Variants in GUCY1A2 observed in about 807,000 individuals in gnomAD.
GUCY1A2 encodes guanylate cyclase 1 soluble subunit alpha 2.
Under a neutral mutation model 63.5 loss-of-function variants are expected in GUCY1A2, and 27 were observed. That is an observed-to-expected ratio of 0.43 (90% CI 0.31 to 0.59). GUCY1A2 has a LOEUF of 0.59. GUCY1A2 is among the 20% of genes least tolerant of loss of function. GUCY1A2 has a pLI of 0.11. For missense variants in GUCY1A2, 768 were observed against 913.3 expected (o/e 0.84, Z 2.05); for synonymous variants, 364 against 343.5 (o/e 1.06, Z -0.66).
chr11:106,942,927 T>A (rs1012870484), intron 3 of GUCY1A2, among the ~76,000 whole-genome samples: 4 of 152,164 alleles, frequency 2.6e-5, no homozygotes, highest in African/African-American at 9.7e-5. Flanking sequence ...GATGCTAAAG[T>A]GACGGTTGTA....
intron 4 of GUCY1A2, among the ~76,000 whole-genome samples, chr11:106,833,673 T>G (rs1356956933): frequency 6.6e-6 from 1 of 152,088 alleles, no homozygotes; most frequent in Non-Finnish European, 1.5e-5. Flanking sequence ...ATGTAGGCAC[T>G]CTATAGATAT....
chr11:106,992,423 G>A lies in GUCY1A2; in HGVS notation c.304-6292C>T, dbSNP rs541798542. Among the ~76,000 whole-genome samples, 47 of 148,088 alleles carry A rather than the reference G, an allele frequency of 3.2e-4. No individual in the cohort carries two copies. In the South Asian group the frequency reaches 4.1e-3, roughly 13 times the overall value. ...CAGCTCACTGCAACCTCCACCTCCC[G>A]GGTTCAAGCGATTCTCCTGCCTCAG... On this transcript the variant is annotated intron_variant, in intron 1 of 7. Transcript: ENST00000526355.
chr11:106,693,479 C>T (rs565982405), intron 7 of GUCY1A2, among the ~76,000 whole-genome samples: 1 of 152,030 alleles, frequency 6.6e-6, no homozygotes, highest in East Asian at 1.9e-4. Flanking sequence ...TTATTTGGTA[C>T]AATGACAATT....
intron 4 of GUCY1A2, among the ~76,000 whole-genome samples, chr11:106,842,372 T>TA (rs1387949269): frequency 3.3e-5 from 5 of 151,972 alleles, no homozygotes; most frequent in African/African-American, 1.2e-4. Flanking sequence ...CCCTGACTGA[T>TA]ATGCTAATAT....
At position 106,682,863 on chromosome 11, in the gene GUCY1A2, G is replaced by A. The variant is rs1382334114; in HGVS notation, c.*4686C>T. 3 of 215,398 alleles carry A rather than the reference G, an allele frequency of 1.4e-5. No homozygotes were observed. The highest frequency in any genetic ancestry group is 2.3e-5 in the African/African-American group (1 of 44,362). 13.3% of individuals were successfully genotyped at this position (215,398 alleles called of 1,614,324 possible). On this transcript the variant is annotated 3_prime_UTR_variant, in exon 8 of 8. Transcript: ENST00000526355. ...ACAAGGGATGGAAGAACAGTCATAC[G>A]CAGGTTTCAATTGTTTGGATCAAGT...
intron 5 of GUCY1A2, among the ~76,000 whole-genome samples, chr11:106,781,435 C>T (rs1230844049): frequency 1.3e-5 from 2 of 152,108 alleles, no homozygotes; most frequent in East Asian, 3.9e-4. Flanking sequence ...ACTATAGCTG[C>T]TTTTATAAAA....
chr11:106,975,301 T>C (rs1467808642), intron 3 of GUCY1A2, among the ~76,000 whole-genome samples: 7 of 152,158 alleles, frequency 4.6e-5, no homozygotes, highest in Non-Finnish European at 8.8e-5. Flanking sequence ...CATCATACCA[T>C]TCAACCATTA....
At chr11:107,013,750 A>G (rs746568811) in intron 1 of GUCY1A2, among the ~76,000 whole-genome samples, 4 of 152,172 alleles carry the variant, frequency 2.6e-5, no homozygotes, top group Non-Finnish European at 4.4e-5. Context: ...GCTGCACCCC[A>G]GAGATTCACA....
chr11:106,795,706 T>G (rs1565292456), intron 5 of GUCY1A2, among the ~76,000 whole-genome samples: 2 of 152,158 alleles, frequency 1.3e-5, no homozygotes, highest in Non-Finnish European at 2.9e-5. Flanking sequence ...TAACCCAAAT[T>G]TAAGATGACA....
intron 4 of GUCY1A2, chr11:106,828,028 T>C (rs1407302961): frequency 3.1e-6 from 2 of 640,638 alleles, no homozygotes; most frequent in African/African-American, 3.7e-5. Flanking sequence ...TCGGGCCCTT[T>C]GCCCACTTTT....
intron 5 of GUCY1A2, among the ~76,000 whole-genome samples, chr11:106,790,149 A>C (rs1393723754): frequency 2.0e-5 from 3 of 152,176 alleles, no homozygotes; most frequent in Non-Finnish European, 4.4e-5. Context: ...TGGAATAAAA[A>C]AACTTGGAAG....
rs370177842 is a variant in GUCY1A2 at position 106,681,387 on chromosome 11, T to C, written c.*6162A>G. 1 of 226,402 alleles carries C rather than the reference T, an allele frequency of 4.4e-6. No homozygotes were observed. The highest frequency in any genetic ancestry group is 8.8e-6 in the Non-Finnish European group (1 of 113,630). 14.0% of individuals were successfully genotyped at this position (226,402 alleles called of 1,614,324 possible). ...TTTCTCAATCACCTCTTCCAACCTA[T>C]GCTCTACTTCCACTCATTTATCCAT... On this transcript the variant is annotated 3_prime_UTR_variant, in exon 8 of 8. Coordinates refer to ENST00000526355, the MANE Select transcript of GUCY1A2 (RefSeq NM_000855.3).
chr11:106,902,927 T>C (rs1467450861), intron 4 of GUCY1A2, among the ~76,000 whole-genome samples: 4 of 152,176 alleles, frequency 2.6e-5, no homozygotes, highest in Non-Finnish European at 5.9e-5. Flanking sequence ...TTGGCACCCA[T>C]GGGAGGCCCT....
At chr11:106,815,006 G>T (rs1858812435) in intron 4 of GUCY1A2, among the ~76,000 whole-genome samples, 1 of 152,074 alleles carries the variant, frequency 6.6e-6, no homozygotes, top group South Asian at 2.1e-4. Context: ...GAATTTTAAA[G>T]AGGGCATAAG....
chr11:106,760,136 G>A (rs1191530693), intron 6 of GUCY1A2, among the ~76,000 whole-genome samples: 2 of 152,142 alleles, frequency 1.3e-5, no homozygotes, highest in Non-Finnish European at 2.9e-5. Context: ...CGGGATTCTA[G>A]CCTCCAGAAC....
chr11:106,693,918 T>C (rs1478428992), intron 7 of GUCY1A2, among the ~76,000 whole-genome samples: 1 of 152,256 alleles, frequency 6.6e-6, no homozygotes, highest in East Asian at 1.9e-4. Flanking sequence ...ATTTTGTTGT[T>C]TGCTTTTTTG....
chr11:107,012,940 G>GT (rs1007365064), intron 1 of GUCY1A2, among the ~76,000 whole-genome samples: 2 of 150,842 alleles, frequency 1.3e-5, no homozygotes, highest in South Asian at 2.1e-4. Flanking sequence ...ACTTTCTAAG[G>GT]TTTTTTTTCA....
chr11:106,752,842 T>C (rs538165064), intron 6 of GUCY1A2, among the ~76,000 whole-genome samples: 1 of 152,258 alleles, frequency 6.6e-6, no homozygotes, highest in African/African-American at 2.4e-5. Context: ...GTCTTTATAG[T>C]AGCATGATTT....
At chr11:106,932,267 T>G (rs753098992) in intron 4 of GUCY1A2, among the ~76,000 whole-genome samples, 6 of 152,142 alleles carry the variant, frequency 3.9e-5, no homozygotes, top group Non-Finnish European at 5.9e-5. Context: ...ATAAGCACTT[T>G]AAGCCTATAG....
Sources: allele counts gnomAD v4.1 joint callset (sites outside exome capture counted in the v4.1 genomes callset), GRCh38; gene constraint gnomAD v4.1.1; transcripts MANE v1.5; gene names NCBI Gene and HGNC (gene_info 2026-07-23, HGNC 2026-07-21).